The following COMMD10 variants were observed in gnomAD, a reference collection of about 807,000 sequenced individuals.
COMMD10 encodes COMM domain-containing protein 10.
COMMD10 carries 33 observed loss-of-function variants against 28.9 expected under a neutral mutation model. The observed-to-expected ratio is 1.14, with a 90% CI of 0.87 to 1.53. The LOEUF (loss-of-function observed/expected upper bound fraction) is 1.53, where lower values mean the gene tolerates loss of function less well. Among genes scored for constraint, COMMD10 ranks in the 40% most tolerant of loss-of-function variants. The pLI is 0.00. For synonymous variants in COMMD10, 110 were observed against 81.7 expected, an observed-to-expected ratio of 1.35 and a Z score of -1.87; for missense variants, 310 against 233.4, an observed-to-expected ratio of 1.33 and a Z score of -2.14.
intron 5 of COMMD10, among the ~76,000 whole-genome samples, chr5:116,223,143 C>T (rs1381608078): frequency 1.3e-5 from 2 of 151,414 alleles, no homozygotes; most frequent in Non-Finnish European, 2.9e-5. Context: ...TTTGCTGTCA[C>T]CTATAAATTA....
At chr5:116,251,963 C>A (rs1176815968) in intron 5 of COMMD10, among the ~76,000 whole-genome samples, 1 of 135,620 alleles carries the variant, frequency 7.4e-6, no homozygotes, top group Non-Finnish European at 1.5e-5. Flanking sequence ...CTGTTGTTTC[C>A]TGACTTTTTA....
intron 5 of COMMD10, among the ~76,000 whole-genome samples, chr5:116,167,675 A>G (rs1286117753): frequency 6.6e-6 from 1 of 152,196 alleles, no homozygotes; most frequent in African/African-American, 2.4e-5. Flanking sequence ...GGGGGCCAAT[A>G]TTCAACACTC....
intron 5 of COMMD10, among the ~76,000 whole-genome samples, chr5:116,275,593 G>A (rs952909738): frequency 1.6e-4 from 24 of 151,738 alleles, no homozygotes; most frequent in African/African-American, 4.6e-4. Flanking sequence ...ACACCCTAGC[G>A]TGTTGCTCGT....
At chr5:116,099,826 TC>T (rs1323257921) in intron 4 of COMMD10, among the ~76,000 whole-genome samples, 4 of 152,152 alleles carry the variant, frequency 2.6e-5, no homozygotes, top group Non-Finnish European at 5.9e-5. Context: ...GTTTGTGAGT[TC>T]CTTATGTATT....
chr5:116,179,174 T>A lies in COMMD10; in HGVS notation c.510+44996T>A, dbSNP rs568477206. 5.6e-4 allele frequency among the ~76,000 whole-genome samples: 85 copies of A among 152,254 alleles called. 2 individuals are homozygous for A. The South Asian group carries it at 0.017, about 31-fold the overall frequency. ...ATGTGTAACTTTTATCTTCAGGAAG[T>A]TTATAACCTAATAAATAAGATTCAA... On this transcript the variant is annotated intron_variant, in intron 5 of 6. Coordinates refer to ENST00000274458, the MANE Select transcript of COMMD10 (RefSeq NM_016144.4).
At position 116,085,408 on chromosome 5, in the gene COMMD10, G is replaced by T. The variant is rs1750060820; in HGVS notation, c.41+315G>T. On this transcript the variant is annotated intron_variant, in intron 1 of 6. Transcript: ENST00000274458. ...GGAGTTTGGTATCAGAAGTTCCCGG[G>T]TGCTGCCTTCAGTGCTGCCGAATCA... The T allele has an allele frequency of 7.4e-6, 3 of 404,422 alleles. No homozygotes were observed. The East Asian group carries it at 1.3e-4, about 17-fold the overall frequency. 25.1% of individuals were successfully genotyped at this position (404,422 alleles called of 1,614,324 possible). A position where few individuals can be genotyped will look rare whatever the true frequency, so the allele number is the denominator to read the frequency against.
intron 5 of COMMD10, among the ~76,000 whole-genome samples, chr5:116,163,499 G>A (rs1752989545): frequency 6.6e-6 from 1 of 151,458 alleles, no homozygotes; most frequent in Admixed American, 6.6e-5. Context: ...CTGAGGCAGG[G>A]AATCACTTGC....
At chr5:116,127,476 C>T (rs1045029366) in intron 4 of COMMD10, among the ~76,000 whole-genome samples, 10 of 152,044 alleles carry the variant, frequency 6.6e-5, no homozygotes, top group Non-Finnish European at 7.4e-5. Context: ...CACATGCACA[C>T]GCATGTTTAT....
chr5:116,211,178 A>G (rs1748954435), intron 5 of COMMD10, among the ~76,000 whole-genome samples: 1 of 152,082 alleles, frequency 6.6e-6, no homozygotes, highest in South Asian at 2.1e-4. Context: ...ATATGTATGT[A>G]TATTTGTATG....
intron 5 of COMMD10, among the ~76,000 whole-genome samples, chr5:116,214,647 T>C (rs72804889): frequency 0.053 from 8,068 of 152,226 alleles, 304 homozygotes; most frequent in East Asian, 0.14. Context: ...TTGAATTGCA[T>C]TGAAATCTCT....
intron 5 of COMMD10, among the ~76,000 whole-genome samples, chr5:116,171,149 C>T (rs185741766): frequency 0.073 from 11,088 of 151,410 alleles, 461 homozygotes; most frequent in Admixed American, 0.13. Context: ...AAGAAAACTG[C>T]ATCAAAAAAT....
intron 5 of COMMD10, among the ~76,000 whole-genome samples, chr5:116,135,851 T>A (rs1368390743): frequency 6.6e-6 from 1 of 152,230 alleles, no homozygotes; most frequent in Non-Finnish European, 1.5e-5. Context: ...GACTACTGTG[T>A]GCTCTGCAGT....
At chr5:116,224,505 G>A (rs926498559) in intron 5 of COMMD10, among the ~76,000 whole-genome samples, 33 of 152,174 alleles carry the variant, frequency 2.2e-4, no homozygotes, top group African/African-American at 8.0e-4. Flanking sequence ...TACAATCATG[G>A]TGGAAGGCAA....
chr5:116,260,845 A>G (rs1750422058), intron 5 of COMMD10, among the ~76,000 whole-genome samples: 1 of 151,818 alleles, frequency 6.6e-6, no homozygotes, highest in Non-Finnish European at 1.5e-5. Context: ...AAAAGAGAGT[A>G]AGAAAATATT....
At chr5:116,269,681 C>T (rs1047994995) in intron 5 of COMMD10, among the ~76,000 whole-genome samples, 3 of 151,722 alleles carry the variant, frequency 2.0e-5, no homozygotes, top group Non-Finnish European at 4.4e-5. Flanking sequence ...TCTTAAGTTT[C>T]CCTTTCCCCT....
At chr5:116,228,316 A>G (rs1749446130) in intron 5 of COMMD10, among the ~76,000 whole-genome samples, 1 of 151,970 alleles carries the variant, frequency 6.6e-6, no homozygotes, top group South Asian at 2.1e-4. Context: ...AGCTAACATC[A>G]TTTGTATTCT....
intron 5 of COMMD10, among the ~76,000 whole-genome samples, chr5:116,150,485 A>G (rs1752488899): frequency 6.6e-6 from 1 of 151,790 alleles, no homozygotes; most frequent in Middle Eastern, 3.4e-3. Flanking sequence ...CTTCCTACCC[A>G]TGAGCATGGA....
At chr5:116,253,445 G>T (rs190392689) in intron 5 of COMMD10, among the ~76,000 whole-genome samples, 1 of 150,938 alleles carries the variant, frequency 6.6e-6, no homozygotes, top group African/African-American at 2.4e-5. Context: ...GTCATAGATA[G>T]CTCTTATTAT....
At chr5:116,087,878 T>C (rs1463350837) in intron 2 of COMMD10, among the ~76,000 whole-genome samples, 2 of 152,208 alleles carry the variant, frequency 1.3e-5, no homozygotes, top group South Asian at 2.1e-4. Flanking sequence ...GTGTTTGACC[T>C]TGGATCTGTT....
Sources: allele counts gnomAD v4.1 joint callset (sites outside exome capture counted in the v4.1 genomes callset), GRCh38; gene constraint gnomAD v4.1.1; transcripts MANE v1.5; gene names NCBI Gene and HGNC (gene_info 2026-07-23, HGNC 2026-07-21).